Variants in SHMT1 observed in about 807,000 individuals in gnomAD.
The protein encoded by SHMT1 is serine hydroxymethyltransferase, cytosolic.
Under a neutral mutation model 49.0 loss-of-function variants are expected in SHMT1, and 45 were observed. The observed-to-expected ratio is 0.92, with a 90% CI of 0.72 to 1.18. The LOEUF (loss-of-function observed/expected upper bound fraction) is 1.18, where lower values mean the gene tolerates loss of function less well. SHMT1 is among the 50% of genes most tolerant of loss of function. The pLI, the probability that SHMT1 is intolerant of heterozygous loss-of-function variation, is 0.00. For missense variants in SHMT1, 541 were observed against 612.4 expected (o/e 0.88, Z 1.23); for synonymous variants, 232 against 246.6 (o/e 0.94, Z 0.55).
intron 3 of SHMT1, among the ~76,000 whole-genome samples, chr17:18,352,260 CAT>C (rs1474202552): frequency 6.6e-6 from 1 of 151,202 alleles, no homozygotes; most frequent in East Asian, 2.0e-4. Flanking sequence ...CATTCTCCTG[CAT>C]CAGCCTCCCA....
intron 1 of SHMT1, among the ~76,000 whole-genome samples, chr17:18,362,732 AC>A (rs1986888494): frequency 6.6e-6 from 1 of 152,216 alleles, no homozygotes; most frequent in African/African-American, 2.4e-5. Flanking sequence ...ACCAAGGGTC[AC>A]TTAACTCCCG....
chr17:18,360,614 C>CTA (rs1302742139), intron 1 of SHMT1: 2 of 151,912 alleles, frequency 1.3e-5, no homozygotes, highest in East Asian at 1.9e-4. Flanking sequence ...GGGTGCAAGG[C>CTA]TACTTTAGAC....
At chr17:18,329,447 C>A in intron 10 of SHMT1, 59 bp from the exon 11 acceptor site, 1 of 1,374,986 alleles carries the variant, frequency 7.3e-7, no homozygotes, top group Non-Finnish European at 1.0e-6. Context: ...GATGGTGGTG[C>A]ATTTAAAAAG....
intron 3 of SHMT1, among the ~76,000 whole-genome samples, chr17:18,349,975 G>A (rs1050343946): frequency 3.3e-5 from 5 of 151,382 alleles, no homozygotes; most frequent in African/African-American, 1.2e-4. Context: ...AGCCGAGATT[G>A]TACCATTGCA....
intron 10 of SHMT1, among the ~76,000 whole-genome samples, chr17:18,329,926 GTC>G (rs559093845): frequency 6.6e-6 from 1 of 152,068 alleles, no homozygotes; most frequent in South Asian, 2.1e-4. Flanking sequence ...CAGTGGCGCA[GTC>G]TCGGCTCAAT....
chr17:18,340,613 A>G lies in SHMT1; in HGVS notation c.601+119T>C. The G allele has an allele frequency of 2.3e-6, 2 of 878,132 alleles. No homozygotes were observed. The highest frequency in any genetic ancestry group is 3.7e-6 in the Non-Finnish European group (2 of 535,872). 54.4% of individuals were successfully genotyped at this position (878,132 alleles called of 1,614,324 possible). A position where few individuals can be genotyped will look rare whatever the true frequency, so the allele number is the denominator to read the frequency against. ...TAATATATGTAGACCCCAGAAACTCAGTTATCCAGGGCAGAAACTAGCAGT... is the reference window on the plus strand; with the variant it reads ...TAATATATGTAGACCCCAGAAACTCGGTTATCCAGGGCAGAAACTAGCAGT... On this transcript the variant is annotated intron_variant, in intron 6 of 11. Transcript: ENST00000316694. The surrounding 1 kb of genome is among the most constrained non-coding windows in gnomAD (Gnocchi z 4.5).
intron 3 of SHMT1, among the ~76,000 whole-genome samples, chr17:18,352,152 T>TTTTC (rs1985780963): frequency 6.8e-6 from 1 of 147,576 alleles, no homozygotes; most frequent in Non-Finnish European, 1.5e-5. Flanking sequence ...GTCCCCTTCT[T>TTTTC]TTTTTTTTTT....
chr17:18,345,462 G>A (rs1438288697), intron 5 of SHMT1, among the ~76,000 whole-genome samples: 7 of 152,016 alleles, frequency 4.6e-5, no homozygotes, highest in Non-Finnish European at 7.4e-5. Context: ...TCACCATGTT[G>A]GCCAGGCTGG....
Position 18,328,816 on chromosome 17 carries a change from C to G in SHMT1, c.1386G>C (p.Gln462His). 1 of 1,612,256 alleles carries G rather than the reference C, an allele frequency of 6.2e-7. No individual in the cohort carries two copies. Among genetic ancestry groups the G allele is most frequent in the Non-Finnish European group, 8.5e-7 (1 of 1,179,584 alleles). ...AGCTCTCAACCTCCTCCCGGAGAGC[C>G]TGCACGGCCGCCTGGTACTTATCCC... ...LAGDKYQAAV[Q>H]ALREEVESFA... Residue 462 changes from glutamine to histidine, a missense_variant, in exon 12 of 12, where the codon CAG (glutamine) becomes CAC (histidine). Transcript: ENST00000316694.
At chr17:18,349,522 C>G (rs189612391) in intron 3 of SHMT1, among the ~76,000 whole-genome samples, 2 of 151,904 alleles carry the variant, frequency 1.3e-5, no homozygotes. Flanking sequence ...AGTTCAAGAC[C>G]AGCTAGGCAA....
chr17:18,362,254 A>T lies in SHMT1; in HGVS notation c.-20+1118T>A, dbSNP rs571511209. Among the ~76,000 whole-genome samples the T allele has an allele frequency of 2.0e-5, 3 of 152,074 alleles. No homozygotes were observed. In the East Asian group the frequency reaches 5.8e-4, roughly 29 times the overall value. ...GCACTAAATAAAAACACAATTACCC[A>T]CTTCCGTTCCAAGTTCCCCCAAGTA... On this transcript the variant is annotated intron_variant, in intron 1 of 11. Transcript: ENST00000316694.
At position 18,340,622 on chromosome 17, in the gene SHMT1, G is replaced by A. The variant is rs751536658; in HGVS notation, c.601+110C>T. On this transcript the variant is annotated intron_variant, in intron 6 of 11. Coordinates refer to ENST00000316694, the MANE Select transcript of SHMT1 (RefSeq NM_004169.5). This position sits in a 1 kb window ranked among gnomAD's most constrained non-coding sequence, Gnocchi z 4.5. ...TAGACCCCAGAAACTCAGTTATCCA[G>A]GGCAGAAACTAGCAGTGGGCTCAAC... The A allele has an allele frequency of 6.4e-6, 6 of 942,648 alleles. No individual in the cohort carries two copies. In the South Asian group the frequency reaches 8.4e-5, roughly 13 times the overall value. The allele number at this position is 942,648 out of a possible 1,614,324, so 58.4% of individuals were successfully genotyped here. A position where few individuals can be genotyped will look rare whatever the true frequency, so the allele number is the denominator to read the frequency against.
At position 18,347,595 on chromosome 17, in the gene SHMT1, G is replaced by A. The variant is rs1985222484; in HGVS notation, c.420C>T (p.Gly140=). 3 of 1,614,038 alleles carry A rather than the reference G, an allele frequency of 1.9e-6. No homozygotes were observed. The African/African-American group carries it at 4.0e-5, about 22-fold the overall frequency. The part of the protein sequence containing the change: ...ALVEPHGRIM[G]LDLPDGGHLT... The stretch of plus-strand genomic sequence containing the variant: ...GGTGGCCCCCATCCGGAAGGTCCAG[G>A]CCCATGATGCGCCCATGGGGTTCCA... The change falls in exon 5 of 12, where the codon GGC becomes GGT. Residue 140 remains glycine, a synonymous_variant. Coordinates refer to ENST00000316694, the MANE Select transcript of SHMT1 (RefSeq NM_004169.5).
At chr17:18,339,230 G>A (rs1049593419) in intron 7 of SHMT1, among the ~76,000 whole-genome samples, 11 of 152,110 alleles carry the variant, frequency 7.2e-5, no homozygotes, top group African/African-American at 2.4e-4. Context: ...GGTAGGTTAT[G>A]AGGTAATGGA....
At position 18,335,606 on chromosome 17, in the gene SHMT1, G is replaced by A. The variant is rs1461001649; in HGVS notation, c.884C>T (p.Ala295Val). The change falls in exon 8 of 12, where the codon GCT becomes GTT. Residue 295 changes from alanine (A) to valine (V), a missense_variant. By Grantham distance (64) the Ala-to-Val change is moderately conservative. Transcript: ENST00000316694. ...LYNLESLINS[A>V]VFPGLQGGPH... is the part of the protein sequence containing the mutation. ...ACCTCCCTGCAGGCCAGGGAACACAGCAGAATTGATAAGAGACTCCAGGTT... is the reference window on the plus strand; with the variant it reads ...ACCTCCCTGCAGGCCAGGGAACACAACAGAATTGATAAGAGACTCCAGGTT... The A allele has an allele frequency of 6.2e-7, 1 of 1,613,940 alleles. No homozygotes were observed.
chr17:18,358,981 C>T (rs186987127), intron 1 of SHMT1, among the ~76,000 whole-genome samples: 4 of 151,022 alleles, frequency 2.6e-5, no homozygotes, highest in African/African-American at 9.7e-5. Flanking sequence ...TTGGGCTGGG[C>T]CCAGTGGCTC....
chr17:18,351,800 G>C (rs1985733975), intron 3 of SHMT1, among the ~76,000 whole-genome samples: 1 of 151,734 alleles, frequency 6.6e-6, no homozygotes, highest in South Asian at 2.1e-4. Flanking sequence ...CCTTTAACAT[G>C]AATAAACGAT....
At chr17:18,339,034 A>T (rs1984169971) in intron 7 of SHMT1, among the ~76,000 whole-genome samples, 1 of 142,734 alleles carries the variant, frequency 7.0e-6, no homozygotes, top group African/African-American at 2.7e-5. Flanking sequence ...ACACCCAAGA[A>T]TGATCAATAA....
intron 1 of SHMT1, among the ~76,000 whole-genome samples, chr17:18,357,124 A>G (rs1048113990): frequency 6.6e-6 from 1 of 151,866 alleles, no homozygotes. Flanking sequence ...TACTAAAAAT[A>G]CAAAAAATGA....
Sources: allele counts gnomAD v4.1 joint callset (sites outside exome capture counted in the v4.1 genomes callset), GRCh38; gene constraint gnomAD v4.1.1; non-coding constraint Gnocchi (gnomAD v3.1); transcripts MANE v1.5; gene names NCBI Gene and HGNC (gene_info 2026-07-23, HGNC 2026-07-21).